The following ZBTB41 variants were observed in gnomAD, a reference collection of about 807,000 sequenced individuals.
The protein encoded by ZBTB41 is zinc finger and BTB domain-containing protein 41.
ZBTB41 carries 42 observed loss-of-function variants against 87.6 expected under a neutral mutation model. The observed-to-expected ratio is 0.48, with a 90% CI of 0.37 to 0.62. The LOEUF is 0.62. Among genes scored for constraint, ZBTB41 ranks in the 20% least tolerant of loss-of-function variants. ZBTB41 has a pLI of 0.00. For missense variants in ZBTB41, 799 were observed against 1,078.9 expected (o/e 0.74, Z 3.63); for synonymous variants, 364 against 364.0 (o/e 1.00, Z 0.00).
Position 197,159,633 on chromosome 1 carries a change from T to C in ZBTB41, c.2456A>G (p.Asp819Gly). 6.2e-7 allele frequency: 1 copy of C among 1,613,956 alleles called. No individual in the cohort carries two copies. The highest frequency in any genetic ancestry group is 1.1e-5 in the South Asian group (1 of 91,076). ...PVTLVPVQMP[D>G]TPSDLVRHTT... ...ATGACGCACTAGGTCACTCGGAGTG[T>C]CAGGCATCTGAACTGGAACCAGAGT... The change falls in exon 11 of 11, where the codon GAC becomes GGC. Residue 819 changes from aspartate (D) to glycine (G), a missense_variant. Coordinates refer to ENST00000367405, the MANE Select transcript of ZBTB41 (RefSeq NM_194314.3).
At chr1:197,176,725 G>A (rs1659617570) in intron 7 of ZBTB41, 55 bp from the exon 8 acceptor site, 4 of 1,218,892 alleles carry the variant, frequency 3.3e-6, no homozygotes, top group Non-Finnish European at 4.8e-6. Flanking sequence ...GAAGGAAAAA[G>A]CTCAATAATG....
In ZBTB41 at chr1:197,176,452, G is replaced by A. The variant is rs141263159; in HGVS notation, c.1879+112C>T. On this transcript the variant is annotated intron_variant, in intron 8 of 10. Coordinates refer to ENST00000367405, the MANE Select transcript of ZBTB41 (RefSeq NM_194314.3). ...AGAACCAGAATTACAAAGAAGTGAT[G>A]AGCATAAACCAAATTATTAAACTTA... The A allele has an allele frequency of 2.3e-4, 160 of 693,578 alleles. No individual in the cohort carries two copies. The African/African-American group carries it at 2.6e-3, about 11-fold the overall frequency. 43.0% of individuals were successfully genotyped at this position (693,578 alleles called of 1,614,324 possible).
chr1:197,160,441 C>G (rs181030005), intron 10 of ZBTB41, among the ~76,000 whole-genome samples: 4 of 151,998 alleles, frequency 2.6e-5, no homozygotes, highest in African/African-American at 9.7e-5. Context: ...AAAGGTTAAA[C>G]CAAAACATCT....
At chr1:197,181,344 G>T in intron 5 of ZBTB41, among the ~76,000 whole-genome samples, 1 of 152,026 alleles carries the variant, frequency 6.6e-6, no homozygotes, top group East Asian at 1.9e-4. Context: ...ACAAACTAAT[G>T]AGTTAACAAA....
chr1:197,193,381 CAAACAAAAAAAAAACCAAAA>C (rs1660081165), intron 2 of ZBTB41, among the ~76,000 whole-genome samples: 2 of 147,976 alleles, frequency 1.4e-5, no homozygotes, highest in Admixed American at 1.3e-4. Flanking sequence ...TACAAAAAAA[CAAACAAAAAAAAAACCAAAA>C]AAACAAAAAA....
chr1:197,184,568 TTCAAAA>T (rs1169526197), intron 5 of ZBTB41, among the ~76,000 whole-genome samples: 1 of 152,184 alleles, frequency 6.6e-6, no homozygotes, highest in African/African-American at 2.4e-5. Flanking sequence ...TCCAGATCAA[TTCAAAA>T]TCAGACTATT....
chr1:197,200,241 T>C lies in ZBTB41; in HGVS notation c.233A>G (p.Asn78Ser). The part of the protein sequence containing the change: ...QYNKNLLKYL[N>S]DDRQKQPSFC... ...AGATGGTTGCTTCTGCCTATCATCATTTAAATATTTTAGCAAATTCTTATT... is the reference window on the plus strand; with the variant it reads ...AGATGGTTGCTTCTGCCTATCATCACTTAAATATTTTAGCAAATTCTTATT... The change falls in exon 2 of 11, where the codon AAT (asparagine) becomes AGT (serine). Residue 78 changes from asparagine to serine, a missense_variant. By Grantham distance (46) the Asn-to-Ser change is conservative. This residue lies in a region of ZBTB41 where 59 missense variants were observed against 120.1 expected (regional missense o/e 0.49). Coordinates refer to ENST00000367405, the MANE Select transcript of ZBTB41 (RefSeq NM_194314.3). The C allele has an allele frequency of 1.2e-6, 2 of 1,612,310 alleles. No homozygotes were observed. Among genetic ancestry groups the C allele is most frequent in the Non-Finnish European group, 1.7e-6 (2 of 1,179,574 alleles).
chr1:197,183,351 G>A (rs1659803222), intron 5 of ZBTB41, among the ~76,000 whole-genome samples: 1 of 152,096 alleles, frequency 6.6e-6, no homozygotes, highest in Non-Finnish European at 1.5e-5. Context: ...TAACAAATGA[G>A]GAAACTGGAA....
In ZBTB41 at chr1:197,200,621, C is replaced by T. The variant is rs956750895; in HGVS notation, c.-117-31G>A. 7 of 625,728 alleles carry T rather than the reference C, an allele frequency of 1.1e-5. No individual in the cohort carries two copies. The East Asian group carries it at 2.0e-4, about 18-fold the overall frequency. The allele number at this position is 625,728 out of a possible 1,614,324, so 38.8% of individuals were successfully genotyped here. A position where few individuals can be genotyped will look rare whatever the true frequency, so the allele number is the denominator to read the frequency against. On this transcript the variant is annotated intron_variant, in intron 1 of 10. Coordinates refer to ENST00000367405, the MANE Select transcript of ZBTB41 (RefSeq NM_194314.3). ...AAAGAGTGAGAACCACGTAAAATAA[C>T]TCCATGGCAAAGCAATGCTAAATCA...
chr1:197,180,314 A>G (rs1010580690), intron 6 of ZBTB41, among the ~76,000 whole-genome samples: 1 of 152,166 alleles, frequency 6.6e-6, no homozygotes, highest in Non-Finnish European at 1.5e-5. Context: ...CTAGGTTTGC[A>G]TAAGTACACT....
At chr1:197,167,872 A>G (rs1410082563) in intron 10 of ZBTB41, among the ~76,000 whole-genome samples, 1 of 152,172 alleles carries the variant, frequency 6.6e-6, no homozygotes, top group African/African-American at 2.4e-5. Context: ...TGGAGATGTG[A>G]CCAAAGCAAT....
Position 197,173,164 on chromosome 1 carries a change from A to G in ZBTB41, c.1986-916T>C, listed in dbSNP as rs188699931. On this transcript the variant is annotated intron_variant, in intron 9 of 10. Transcript: ENST00000367405. The stretch of plus-strand genomic sequence containing the variant: ...GAAGCAATTCATATGGAATGAATAC[A>G]TGGCAAAATAATTAAATCAAACCTG... Among the ~76,000 whole-genome samples the G allele has an allele frequency of 1.4e-4, 22 of 152,252 alleles. 1 individual carries two copies. In the East Asian group the frequency reaches 4.2e-3, roughly 29 times the overall value.
chr1:197,181,124 A>T lies in ZBTB41; in HGVS notation c.1547-7T>A, dbSNP rs766345756. ...ATATCACATGGAAAAGGACCTAAAA[A>T]GGAAAAAAAAAAAGTGTGCATTTAA... is the stretch of plus-strand genomic sequence containing the variant. On this transcript the variant is annotated splice_region_variant and splice_polypyrimidine_tract_variant and intron_variant, in intron 5 of 10. Coordinates refer to ENST00000367405, the MANE Select transcript of ZBTB41 (RefSeq NM_194314.3). 1 of 1,568,002 alleles carries T rather than the reference A, an allele frequency of 6.4e-7. No homozygotes were observed. Among genetic ancestry groups the T allele is most frequent in the South Asian group, 1.2e-5 (1 of 84,052 alleles).
At chr1:197,175,623 A>G (rs769609149) in intron 8 of ZBTB41, among the ~76,000 whole-genome samples, 4 of 151,292 alleles carry the variant, frequency 2.6e-5, no homozygotes, top group African/African-American at 4.8e-5. Flanking sequence ...ATAATGAAAA[A>G]TTCTACGTAA....
chr1:197,178,577 A>G, intron 6 of ZBTB41, 65 bp from the exon 7 acceptor site: 1 of 1,164,344 alleles, frequency 8.6e-7, no homozygotes, highest in Non-Finnish European at 1.2e-6. Context: ...GATTTCTGGA[A>G]AACTTACTAG....
At chr1:197,178,591 G>T in intron 6 of ZBTB41, 79 bp from the exon 7 acceptor site, 1 of 1,003,760 alleles carries the variant, frequency 1.0e-6, no homozygotes, top group Non-Finnish European at 1.4e-6. Context: ...TTACTAGAAA[G>T]GTATTCAAGC....
chr1:197,178,813 G>A (rs949198228), intron 6 of ZBTB41, among the ~76,000 whole-genome samples: 2 of 152,088 alleles, frequency 1.3e-5, no homozygotes, highest in East Asian at 3.9e-4. Context: ...TTATGACACT[G>A]AATTAAGTTG....
At chr1:197,193,463 T>A (rs1391207081) in intron 2 of ZBTB41, among the ~76,000 whole-genome samples, 6 of 152,186 alleles carry the variant, frequency 3.9e-5, no homozygotes, top group Admixed American at 6.5e-5. Flanking sequence ...ATTATTATCA[T>A]ACGGGTTACT....
Position 197,176,625 on chromosome 1 carries a change from A to G in ZBTB41, c.1818T>C (p.Asp606=). 1 of 1,612,214 alleles carries G rather than the reference A, an allele frequency of 6.2e-7. No homozygotes were observed. The highest frequency in any genetic ancestry group is 8.5e-7 in the Non-Finnish European group (1 of 1,179,086). ...GACGGATAAATGTTTTTCCACATTC[A>G]TCGCACTCATATCTTTTATCATCAT... ...VHHDDKRYEC[D]ECGKTFIRHD... The change falls in exon 8 of 11, where the codon GAT becomes GAC. Residue 606 remains aspartate, a synonymous_variant. Coordinates refer to ENST00000367405, the MANE Select transcript of ZBTB41 (RefSeq NM_194314.3).
Sources: allele counts gnomAD v4.1 joint callset (sites outside exome capture counted in the v4.1 genomes callset), GRCh38; gene constraint gnomAD v4.1.1; regional missense constraint gnomAD v4.1.1; transcripts MANE v1.5; gene names NCBI Gene and HGNC (gene_info 2026-07-23, HGNC 2026-07-21).